The following DOCK3 variants were observed in gnomAD, a reference collection of about 807,000 sequenced individuals.
DOCK3 encodes the protein dedicator of cytokinesis protein 3.
A neutral mutation model predicts 265.6 loss-of-function variants in DOCK3; 60 were observed. The observed-to-expected ratio is 0.23, with a 90% CI of 0.18 to 0.28. DOCK3 has a LOEUF of 0.28. Among genes scored for constraint, DOCK3 ranks in the 10% least tolerant of loss-of-function variants. The probability of loss-of-function intolerance (pLI) is 1.00; values close to 1 mark genes in which losing one functional copy is unlikely to be tolerated. For synonymous variants in DOCK3, 881 were observed against 938.0 expected (o/e 0.94, Z 1.11); for missense variants, 1,981 against 2,594.3 (o/e 0.76, Z 5.14).
At chr3:51,108,422 A>G (rs1039168955) in intron 9 of DOCK3, among the ~76,000 whole-genome samples, 2 of 152,216 alleles carry the variant, frequency 1.3e-5, no homozygotes, top group African/African-American at 2.4e-5. Flanking sequence ...ACCATTGCCA[A>G]CCACCACATA....
intron 5 of DOCK3, among the ~76,000 whole-genome samples, chr3:50,945,556 C>T (rs2108272262): frequency 6.6e-6 from 1 of 152,164 alleles, no homozygotes; most frequent in South Asian, 2.1e-4. Flanking sequence ...AGACACAGTT[C>T]TCTGAATTCT....
intron 3 of DOCK3, among the ~76,000 whole-genome samples, chr3:50,869,372 TTTTTTTTTTTTTTTTTTTG>T (rs2047326439): frequency 3.2e-5 from 2 of 62,468 alleles, no homozygotes; most frequent in African/African-American, 1.3e-4. Flanking sequence ...TTTTTTTTTT[TTTTTTTTTTTTTTTTTTTG>T]GAGATAGGGT....
At chr3:50,979,008 G>A (rs911515211) in intron 5 of DOCK3, among the ~76,000 whole-genome samples, 4 of 152,118 alleles carry the variant, frequency 2.6e-5, no homozygotes, top group Admixed American at 1.3e-4. Flanking sequence ...TTCGGCTCGC[G>A]TACGGTGCGC....
chr3:50,926,984 G>C lies in DOCK3; in HGVS notation c.219-6997G>C, dbSNP rs188559551. 5.8e-4 allele frequency among the ~76,000 whole-genome samples: 88 copies of C among 152,188 alleles called. 1 individual carries two copies. The highest frequency in any genetic ancestry group is 1.3e-3 in the Admixed American group (20 of 15,292). On this transcript the variant is annotated intron_variant, in intron 4 of 52. Coordinates refer to ENST00000266037, the MANE Select transcript of DOCK3 (RefSeq NM_004947.5). ...TGCTTAAAACCTTCTAGCGACTCCC[G>C]TCTCACACAGAGCAAACATTGAAGT...
intron 27 of DOCK3, among the ~76,000 whole-genome samples, chr3:51,302,788 G>A (rs988450882): frequency 7.2e-5 from 11 of 152,184 alleles, no homozygotes; most frequent in Admixed American, 6.5e-4. Flanking sequence ...TGAAAGGTCT[G>A]CTGTTAGTCT....
rs546066981 is a variant in DOCK3 at position 50,807,331 on chromosome 3, C to T, written c.121+28573C>T. ...AGTGCAGTGGTACAATTATAGCTCA[C>T]TGCAACTTTGAACTCCTGGGCTCAA... On this transcript the variant is annotated intron_variant, in intron 2 of 52. Transcript: ENST00000266037. Among the ~76,000 whole-genome samples the T allele has an allele frequency of 2.0e-5, 3 of 151,024 alleles. No individual in the cohort carries two copies. In the South Asian group the frequency reaches 6.2e-4, roughly 31 times the overall value.
chr3:51,022,643 G>A (rs566405542), intron 5 of DOCK3, among the ~76,000 whole-genome samples: 133 of 152,194 alleles, frequency 8.7e-4, no homozygotes, highest in African/African-American at 3.1e-3. Flanking sequence ...TAGTTTGCAA[G>A]TATTTTCTCC....
intron 1 of DOCK3, among the ~76,000 whole-genome samples, chr3:50,727,745 A>T (rs2037923237): frequency 6.6e-6 from 1 of 152,174 alleles, no homozygotes; most frequent in South Asian, 2.1e-4. Context: ...TTTATTGAAG[A>T]TATAAAAATC....
rs552971389 is a variant in DOCK3 at position 51,143,894 on chromosome 3, CAG to C, written c.747-2653_747-2652del. On this transcript the variant is annotated intron_variant, in intron 9 of 52. Coordinates refer to ENST00000266037, the MANE Select transcript of DOCK3 (RefSeq NM_004947.5). The stretch of plus-strand genomic sequence containing the variant: ...ATATTTGCTTAATAATCTGGGGCGA[CAG>C]AAAGTTTTCTACTATGTGCTAAATG... 2.7e-4 allele frequency among the ~76,000 whole-genome samples: 41 copies of C among 152,302 alleles called. No individual in the cohort carries two copies. In the East Asian group the frequency reaches 2.7e-3, roughly 10 times the overall value.
intron 9 of DOCK3, among the ~76,000 whole-genome samples, chr3:51,105,548 C>T (rs985195364): frequency 6.6e-6 from 1 of 152,134 alleles, no homozygotes; most frequent in Non-Finnish European, 1.5e-5. Flanking sequence ...TATCTATATA[C>T]ATACATTGTA....
chr3:51,350,455 T>C, intron 40 of DOCK3, 63 bp downstream of exon 40: 1 of 1,542,706 alleles, frequency 6.5e-7, no homozygotes, highest in Non-Finnish European at 8.8e-7. Flanking sequence ...TTAAAACCGA[T>C]ATTCTTTTCT....
chr3:51,123,681 T>C (rs1229294818), intron 9 of DOCK3, among the ~76,000 whole-genome samples: 1 of 152,168 alleles, frequency 6.6e-6, no homozygotes, highest in Non-Finnish European at 1.5e-5. Flanking sequence ...GGGAAGCCCA[T>C]TAGGGACTCA....
chr3:50,750,219 G>A (rs575637057), intron 1 of DOCK3, among the ~76,000 whole-genome samples: 74 of 122,076 alleles, frequency 6.1e-4, no homozygotes, highest in Non-Finnish European at 1.1e-3. Context: ...CCTCATCCCT[G>A]ACCTGGCCCT....
At chr3:51,262,660 T>C (rs1442146785) in intron 23 of DOCK3, among the ~76,000 whole-genome samples, 2 of 152,182 alleles carry the variant, frequency 1.3e-5, no homozygotes, top group African/African-American at 2.4e-5. Flanking sequence ...GCAAGGAAGC[T>C]AAGAACCTCG....
At chr3:51,315,214 C>T (rs2083299790) in intron 32 of DOCK3, 86 bp downstream of exon 32, 4 of 1,443,532 alleles carry the variant, frequency 2.8e-6, no homozygotes, top group South Asian at 1.5e-5. Flanking sequence ...AGCCATGATT[C>T]TAGTGGGGAT....
At chr3:50,697,910 G>A (rs2035735291) in intron 1 of DOCK3, among the ~76,000 whole-genome samples, 1 of 151,946 alleles carries the variant, frequency 6.6e-6, no homozygotes, top group South Asian at 2.1e-4. Flanking sequence ...TTTTTTTGAG[G>A]TAAAAATCAG....
intron 4 of DOCK3, among the ~76,000 whole-genome samples, chr3:50,906,396 A>AT (rs148371347): frequency 0.095 from 14,335 of 151,532 alleles, 843 homozygotes; most frequent in Non-Finnish European, 0.12. Flanking sequence ...CTGGTCCTGC[A>AT]TTTTTTTTGG....
rs111238598 is a variant in DOCK3 at position 51,172,179 on chromosome 3, C to CT, written c.1037+11491dup. On this transcript the variant is annotated intron_variant, in intron 12 of 52. Transcript: ENST00000266037. ...GTTATATTTGAATGGAATATCGTTT[C>CT]TTTTTTTTTTTTTTGAGACATAGTC... 4.4e-3 allele frequency among the ~76,000 whole-genome samples: 608 copies of CT among 137,286 alleles called. 3 individuals are homozygous for CT. Among genetic ancestry groups the CT allele is most frequent in the Middle Eastern group, 7.8e-3 (2 of 258 alleles). The allele number at this position is 137,286 out of a possible 152,430, so 90.1% of individuals were successfully genotyped here.
intron 5 of DOCK3, among the ~76,000 whole-genome samples, chr3:50,942,964 T>C (rs1474484607): frequency 6.6e-6 from 1 of 152,146 alleles, no homozygotes; most frequent in Admixed American, 6.5e-5. Flanking sequence ...TTTGTTATGT[T>C]GATTATATGT....
Sources: gnomAD v4.1 joint callset for allele counts (sites outside exome capture counted in the v4.1 genomes callset) on GRCh38, gnomAD v4.1.1 for gene constraint, MANE v1.5 for transcripts, NCBI Gene and HGNC (gene_info 2026-07-23, HGNC 2026-07-21) for gene names.